PACRG: variants seen among roughly 807,000 people sequenced by gnomAD.
PACRG encodes the protein parkin coregulated.
A neutral mutation model predicts 29.7 loss-of-function variants in PACRG; 29 were observed. That is an observed-to-expected ratio of 0.98 (90% confidence interval 0.73 to 1.33). The LOEUF is 1.33. Ranked by LOEUF, PACRG falls within the 40% of genes most tolerant of loss-of-function variation. The pLI is 0.00. For missense variants in PACRG, 279 were observed against 316.2 expected (o/e 0.88, Z 0.89); for synonymous variants, 116 against 118.7 (o/e 0.98, Z 0.15).
chr6:162,842,943 G>T (rs1184232624), intron 2 of PACRG, among the ~76,000 whole-genome samples: 2 of 87,200 alleles, frequency 2.3e-5, no homozygotes, highest in African/African-American at 5.7e-5. Context: ...CTTCTGGCTT[G>T]TAGGGTTTCT....
intron 2 of PACRG, among the ~76,000 whole-genome samples, chr6:162,988,341 G>C (rs754818095): frequency 2.0e-5 from 3 of 152,192 alleles, no homozygotes; most frequent in Non-Finnish European, 4.4e-5. Context: ...AATCGAGGTA[G>C]AGAGAGCAAT....
At chr6:162,960,409 G>A (rs938703690) in intron 2 of PACRG, among the ~76,000 whole-genome samples, 3 of 152,290 alleles carry the variant, frequency 2.0e-5, no homozygotes, top group Admixed American at 1.3e-4. Context: ...TATACACCAC[G>A]GAATACTACA....
At chr6:163,021,647 T>C (rs1405944560) in intron 2 of PACRG, among the ~76,000 whole-genome samples, 7 of 152,188 alleles carry the variant, frequency 4.6e-5, no homozygotes, top group Non-Finnish European at 8.8e-5. Flanking sequence ...TCTAAGCTCC[T>C]GACAGCCTCC....
At position 162,953,698 on chromosome 6, in the gene PACRG, C is replaced by G. The variant is rs1474421443; in HGVS notation, c.292-108452C>G. 3.3e-5 allele frequency among the ~76,000 whole-genome samples: 5 copies of G among 151,630 alleles called. No homozygotes were observed. The East Asian group carries it at 7.8e-4, about 24-fold the overall frequency. On this transcript the variant is annotated intron_variant, in intron 2 of 4. Transcript: ENST00000366888. ...TCCCGCTCTCTCTCCCTAACCCCCC[C>G]ACACTTTCTCCCACCCCCATTTCTC... is the stretch of plus-strand genomic sequence containing the variant.
chr6:162,973,441 G>C (rs1021398765), intron 2 of PACRG, among the ~76,000 whole-genome samples: 4 of 152,172 alleles, frequency 2.6e-5, no homozygotes, highest in African/African-American at 9.7e-5. Flanking sequence ...TTGCTGGTAG[G>C]ACCTCTCTCA....
chr6:163,209,027 G>A (rs962936216), intron 4 of PACRG, among the ~76,000 whole-genome samples: 8 of 152,110 alleles, frequency 5.3e-5, no homozygotes, highest in African/African-American at 1.9e-4. Context: ...ACAAATAGAA[G>A]CACAAGACAA....
intron 4 of PACRG, among the ~76,000 whole-genome samples, chr6:163,150,594 G>C (rs1361118536): frequency 1.5e-5 from 1 of 67,752 alleles, no homozygotes; most frequent in Non-Finnish European, 2.6e-5. Flanking sequence ...ATCCTTCCAG[G>C]CTCAAGTTCC....
intron 4 of PACRG, among the ~76,000 whole-genome samples, chr6:163,246,237 CTCTT>C (rs1195135041): frequency 1.3e-5 from 2 of 152,192 alleles, no homozygotes; most frequent in Non-Finnish European, 2.9e-5. Flanking sequence ...CCCATCTCAT[CTCTT>C]TCTTGTTTGA....
intron 4 of PACRG, among the ~76,000 whole-genome samples, chr6:163,276,582 C>T (rs146186511): frequency 0.011 from 1,695 of 152,134 alleles, 34 homozygotes; most frequent in African/African-American, 0.039. Flanking sequence ...TTGCCGTGGT[C>T]GGAATGTTTG....
At chr6:162,982,942 A>G (rs1420172240) in intron 2 of PACRG, among the ~76,000 whole-genome samples, 1 of 151,920 alleles carries the variant, frequency 6.6e-6, no homozygotes, top group African/African-American at 2.4e-5. Flanking sequence ...CATATATCTC[A>G]TTTCTTAAGT....
chr6:163,104,550 A>T (rs1815276832), intron 4 of PACRG, among the ~76,000 whole-genome samples: 1 of 152,194 alleles, frequency 6.6e-6, no homozygotes, highest in Admixed American at 6.5e-5. Flanking sequence ...GTTGAAAAGG[A>T]TGTAGGCAGG....
chr6:162,811,436 A>G (rs1028496760), intron 1 of PACRG, among the ~76,000 whole-genome samples: 3 of 152,166 alleles, frequency 2.0e-5, no homozygotes, highest in Admixed American at 2.0e-4. Flanking sequence ...AAGTCATCCA[A>G]TAGGAAGCAG....
chr6:162,952,906 G>T (rs1799756798), intron 2 of PACRG, among the ~76,000 whole-genome samples: 1 of 152,000 alleles, frequency 6.6e-6, no homozygotes, highest in Non-Finnish European at 1.5e-5. Context: ...TATATCTACT[G>T]ATAAATATGT....
chr6:162,907,026 C>G (rs951377425), intron 2 of PACRG, among the ~76,000 whole-genome samples: 3 of 152,174 alleles, frequency 2.0e-5, no homozygotes, highest in African/African-American at 7.2e-5. Context: ...AAAGTTAATA[C>G]TCTATGAAAT....
At chr6:163,300,892 C>T (rs1288253501) in intron 4 of PACRG, among the ~76,000 whole-genome samples, 14 of 146,010 alleles carry the variant, frequency 9.6e-5, no homozygotes, top group Admixed American at 2.7e-4. Flanking sequence ...TTTAGCAGGG[C>T]CACATCCACT....
chr6:163,080,339 A>AGAGGAGC (rs1265468624), intron 3 of PACRG, among the ~76,000 whole-genome samples: 1 of 152,150 alleles, frequency 6.6e-6, no homozygotes, highest in Non-Finnish European at 1.5e-5. Flanking sequence ...ATTTAGGTAC[A>AGAGGAGC]GAGGAGCAAG....
chr6:163,006,451 T>C (rs913542454), intron 2 of PACRG, among the ~76,000 whole-genome samples: 9 of 151,754 alleles, frequency 5.9e-5, no homozygotes, highest in African/African-American at 2.2e-4. Flanking sequence ...CAATATCATT[T>C]AGATCAATTG....
chr6:163,086,458 C>G (rs186681256), intron 3 of PACRG, among the ~76,000 whole-genome samples: 46 of 152,276 alleles, frequency 3.0e-4, no homozygotes, highest in African/African-American at 1.1e-3. Flanking sequence ...AGCCATCATG[C>G]TGCTGAGTTC....
Position 162,939,169 on chromosome 6 carries a change from C to G in PACRG, c.292-122981C>G, listed in dbSNP as rs550606629. The stretch of plus-strand genomic sequence containing the variant: ...AAAAGCATAAAGTGGGGAAAGGACT[C>G]CCTATTCAACAAATGATAATTGCCC... On this transcript the variant is annotated intron_variant, in intron 2 of 4. Coordinates refer to ENST00000366888, the MANE Select transcript of PACRG (RefSeq NM_001080379.2). Among the ~76,000 whole-genome samples, 6 of 152,194 alleles carry G rather than the reference C, an allele frequency of 3.9e-5. No homozygotes were observed. The East Asian group carries it at 5.8e-4, about 15-fold the overall frequency.
Sources: allele counts gnomAD v4.1 joint callset (sites outside exome capture counted in the v4.1 genomes callset), GRCh38; gene constraint gnomAD v4.1.1; transcripts MANE v1.5; gene names NCBI Gene and HGNC (gene_info 2026-07-23, HGNC 2026-07-21).